The following LRRC4C variants were observed in gnomAD, a reference collection of about 807,000 sequenced individuals.
LRRC4C encodes leucine-rich repeat-containing protein 4C.
Under a neutral mutation model 33.6 loss-of-function variants are expected in LRRC4C, and 5 were observed. The observed-to-expected ratio is 0.15, with a 90% CI of 0.08 to 0.31. The LOEUF is 0.31. Ranked by LOEUF, LRRC4C falls within the 10% of genes least tolerant of loss-of-function variation. The pLI is 1.00. For missense variants in LRRC4C, 560 were observed against 796.7 expected, an observed-to-expected ratio of 0.70 and a Z score of 3.58; for synonymous variants, 329 against 302.0, an observed-to-expected ratio of 1.09 and a Z score of -0.93.
chr11:40,428,508 G>A (rs560294261), intron 3 of LRRC4C, among the ~76,000 whole-genome samples: 1 of 152,108 alleles, frequency 6.6e-6, no homozygotes, highest in Non-Finnish European at 1.5e-5. Flanking sequence ...TGGAAGTCAA[G>A]TACTTTATAG....
chr11:40,763,400 C>T (rs998501410), intron 2 of LRRC4C, among the ~76,000 whole-genome samples: 1 of 152,088 alleles, frequency 6.6e-6, no homozygotes, highest in African/African-American at 2.4e-5. Flanking sequence ...AGCAAGATGG[C>T]TGAATAGAAC....
At chr11:40,776,654 C>G (rs1324386896) in intron 2 of LRRC4C, among the ~76,000 whole-genome samples, 2 of 151,838 alleles carry the variant, frequency 1.3e-5, no homozygotes, top group African/African-American at 4.8e-5. Context: ...ATCTATCAAT[C>G]TTGTTTATAC....
intron 1 of LRRC4C, among the ~76,000 whole-genome samples, chr11:41,252,007 G>GA (rs1565519342): frequency 6.6e-6 from 1 of 151,822 alleles, no homozygotes; most frequent in Non-Finnish European, 1.5e-5. Flanking sequence ...GTGTTAATAT[G>GA]AAAAAAAGAA....
At chr11:40,800,896 C>T (rs1025830576) in intron 2 of LRRC4C, among the ~76,000 whole-genome samples, 3 of 152,182 alleles carry the variant, frequency 2.0e-5, no homozygotes, top group African/African-American at 4.8e-5. Flanking sequence ...ACAGCCTCAT[C>T]TCTATTATCT....
chr11:40,444,646 A>T (rs1276132610), intron 3 of LRRC4C, among the ~76,000 whole-genome samples: 1 of 152,176 alleles, frequency 6.6e-6, no homozygotes, highest in Non-Finnish European at 1.5e-5. Flanking sequence ...CTCAGTGATC[A>T]ATAAGATGGC....
intron 2 of LRRC4C, among the ~76,000 whole-genome samples, chr11:40,747,257 C>T (rs993517405): frequency 1.5e-4 from 23 of 152,160 alleles, no homozygotes; most frequent in African/African-American, 5.3e-4. Context: ...AGCCCCCACT[C>T]ATAAGTGCAT....
intron 3 of LRRC4C, among the ~76,000 whole-genome samples, chr11:40,351,986 G>C (rs1947412937): frequency 6.6e-6 from 1 of 151,894 alleles, no homozygotes; most frequent in African/African-American, 2.4e-5. Context: ...GCCACTCTAT[G>C]TCTTTTACTG....
At chr11:41,138,947 C>T (rs1943384516) in intron 1 of LRRC4C, among the ~76,000 whole-genome samples, 1 of 152,150 alleles carries the variant, frequency 6.6e-6, no homozygotes, top group Non-Finnish European at 1.5e-5. Flanking sequence ...TACCTAGCTT[C>T]CCCAATAAAA....
At chr11:40,600,398 C>T (rs1434638943) in intron 3 of LRRC4C, among the ~76,000 whole-genome samples, 1 of 152,104 alleles carries the variant, frequency 6.6e-6, no homozygotes. Context: ...ACTTTGAACT[C>T]AAAAGCAGGT....
chr11:40,656,676 T>C (rs1943133695), intron 2 of LRRC4C, among the ~76,000 whole-genome samples: 1 of 152,216 alleles, frequency 6.6e-6, no homozygotes, highest in Admixed American at 6.5e-5. Flanking sequence ...GTGTACTATG[T>C]AAACCTATGC....
At chr11:40,318,585 T>G (rs941148016) in intron 4 of LRRC4C, among the ~76,000 whole-genome samples, 1 of 152,160 alleles carries the variant, frequency 6.6e-6, no homozygotes, top group African/African-American at 2.4e-5. Flanking sequence ...TACATTATAT[T>G]TCCTTGGTTT....
At chr11:40,602,052 G>A (rs973222928) in intron 3 of LRRC4C, among the ~76,000 whole-genome samples, 1 of 151,744 alleles carries the variant, frequency 6.6e-6, no homozygotes, top group Non-Finnish European at 1.5e-5. Flanking sequence ...AAATTTAGCT[G>A]GGTGTGGTGG....
chr11:40,356,160 T>C (rs1947661283), intron 3 of LRRC4C, among the ~76,000 whole-genome samples: 1 of 152,140 alleles, frequency 6.6e-6, no homozygotes, highest in Non-Finnish European at 1.5e-5. Context: ...TGTCCAGTTA[T>C]GTGGTCTTTG....
At chr11:41,305,931 TA>T (rs1565566857) in intron 1 of LRRC4C, among the ~76,000 whole-genome samples, 44 of 128,148 alleles carry the variant, frequency 3.4e-4, no homozygotes, top group Non-Finnish European at 6.1e-4. Context: ...AATAATAAAA[TA>T]AAATAAATAA....
At chr11:40,466,628 G>A (rs571095857) in intron 3 of LRRC4C, among the ~76,000 whole-genome samples, 50 of 151,760 alleles carry the variant, frequency 3.3e-4, no homozygotes, top group Admixed American at 3.0e-3. Flanking sequence ...AAGCCTTAGA[G>A]ATATGAATTA....
chr11:40,849,677 T>C (rs1339785027), intron 2 of LRRC4C, among the ~76,000 whole-genome samples: 1 of 152,140 alleles, frequency 6.6e-6, no homozygotes, highest in Non-Finnish European at 1.5e-5. Flanking sequence ...AGAATTTGAA[T>C]GTTGGCCTGT....
intron 3 of LRRC4C, among the ~76,000 whole-genome samples, chr11:40,562,098 T>C (rs986195696): frequency 6.6e-6 from 1 of 152,248 alleles, no homozygotes; most frequent in African/African-American, 2.4e-5. Context: ...AGAAGTACAA[T>C]GATTTCCAAA....
chr11:40,220,830 G>A (rs1171876616), intron 5 of LRRC4C, among the ~76,000 whole-genome samples: 1 of 150,816 alleles, frequency 6.6e-6, no homozygotes, highest in African/African-American at 2.4e-5. Context: ...ATATTTTGGT[G>A]CATTTTAAAA....
chr11:40,207,116 C>A (rs112025045), intron 5 of LRRC4C, among the ~76,000 whole-genome samples: 1 of 152,126 alleles, frequency 6.6e-6, no homozygotes, highest in African/African-American at 2.4e-5. Flanking sequence ...CATTACCAAG[C>A]CTTGATCAAT....
Sources: gnomAD v4.1 joint callset for allele counts (sites outside exome capture counted in the v4.1 genomes callset) on GRCh38, gnomAD v4.1.1 for gene constraint, MANE v1.5 for transcripts, NCBI Gene and HGNC (gene_info 2026-07-23, HGNC 2026-07-21) for gene names.